Variants in RIMS1 observed in about 807,000 individuals in gnomAD.
RIMS1 encodes the protein regulating synaptic membrane exocytosis 1.
In RIMS1, 83 loss-of-function variants were observed where a neutral mutation model predicts 214.1. That is an observed-to-expected ratio of 0.39 (90% CI 0.32 to 0.47). RIMS1 has a LOEUF of 0.47. Ranked by LOEUF, RIMS1 falls within the 20% of genes least tolerant of loss-of-function variation. The pLI is 0.99. For synonymous variants in RIMS1, 793 were observed against 786.8 expected (o/e 1.01, Z -0.13); for missense variants, 2,050 against 2,161.8 (o/e 0.95, Z 1.03).
rs373891202 is a variant in RIMS1, at chr6:72,390,754, G to A, written c.4505+18G>A. Reference sequence around the variant, plus strand: ...GAGGGCAAGTAAGTGCTGTCAGCACGTCTGCATGGCTGTGGAACCAGGAAT... The same window carrying A: ...GAGGGCAAGTAAGTGCTGTCAGCACATCTGCATGGCTGTGGAACCAGGAAT... On this transcript the variant is annotated intron_variant, in intron 30 of 33. Coordinates refer to ENST00000521978, the MANE Select transcript of RIMS1 (RefSeq NM_014989.7). The A allele has an allele frequency of 4.0e-5, 65 of 1,612,710 alleles. No homozygotes were observed. The highest frequency in any genetic ancestry group is 2.9e-4 in the African/African-American group (22 of 74,914).
intron 1 of RIMS1, among the ~76,000 whole-genome samples, chr6:71,966,285 T>C (rs771957610): frequency 6.6e-6 from 1 of 152,226 alleles, no homozygotes; most frequent in South Asian, 2.1e-4. Flanking sequence ...TGTGTTGTTT[T>C]CCTGTTATAT....
chr6:72,171,576 A>G (rs1043135661), intron 4 of RIMS1, among the ~76,000 whole-genome samples: 1 of 152,154 alleles, frequency 6.6e-6, no homozygotes, highest in Non-Finnish European at 1.5e-5. Context: ...AATTCTCAAA[A>G]CAACTCAGTG....
At chr6:72,235,842 A>G (rs1412827326) in intron 8 of RIMS1, 114 bp downstream of exon 8, 10 of 473,634 alleles carry the variant, frequency 2.1e-5, no homozygotes, top group African/African-American at 4.0e-5. Flanking sequence ...ATATAATTTT[A>G]TTGATATAGC....
At chr6:72,144,522 G>T (rs1454328694) in intron 4 of RIMS1, among the ~76,000 whole-genome samples, 2 of 152,078 alleles carry the variant, frequency 1.3e-5, no homozygotes, top group Admixed American at 6.6e-5. Context: ...AAGTCCTAAG[G>T]CTGCTGACAT....
rs570848586 is a variant in RIMS1 at position 72,365,556 on chromosome 6, A to G, written c.4367-25042A>G. ...TCTACCACTTATATGTCTATTGACT[A>G]TATAATTTAGCATCCAAACTGGAAT... On this transcript the variant is annotated intron_variant, in intron 29 of 33. Transcript: ENST00000521978. 9.3e-4 allele frequency among the ~76,000 whole-genome samples: 141 copies of G among 152,360 alleles called. 1 individual carries two copies. Among genetic ancestry groups the G allele is most frequent in the African/African-American group, 3.2e-3 (132 of 41,580 alleles).
chr6:71,887,139 T>C lies in RIMS1; in HGVS notation c.116T>C (p.Val39Ala). ...GAGGAGAGGAACATTATCATGGCAGTGATGGACCGGCAGAAGGAAGAGGAG... is the reference window on the plus strand; with the variant it reads ...GAGGAGAGGAACATTATCATGGCAGCGATGGACCGGCAGAAGGAAGAGGAG... ...TEEERNIIMA[V>A]MDRQKEEEEK... The change falls in exon 1 of 34, where the codon GTG (valine) becomes GCG (alanine). Residue 39 changes from valine to alanine, a missense_variant. Val to Ala is a moderately conservative substitution (Grantham distance 64). This residue lies in a region of RIMS1 where 882 missense variants were observed against 828.9 expected (regional missense o/e 1.06). Coordinates refer to ENST00000521978, the MANE Select transcript of RIMS1 (RefSeq NM_014989.7). 1 of 1,613,088 alleles carries C rather than the reference T, an allele frequency of 6.2e-7. No individual in the cohort carries two copies. The highest frequency in any genetic ancestry group is 8.5e-7 in the Non-Finnish European group (1 of 1,179,550).
intron 1 of RIMS1, among the ~76,000 whole-genome samples, chr6:71,893,211 C>T (rs1461846127): frequency 1.3e-5 from 2 of 152,112 alleles, no homozygotes; most frequent in African/African-American, 4.8e-5. Context: ...GCTAGCAATG[C>T]AGTGTTGCCA....
At chr6:72,257,949 G>T (rs752271656) in intron 16 of RIMS1, among the ~76,000 whole-genome samples, 176 bp from the exon 17 acceptor site, 5 of 152,146 alleles carry the variant, frequency 3.3e-5, no homozygotes, top group Non-Finnish European at 5.9e-5. Context: ...GCATGTATAT[G>T]TTACACTCTG....
intron 23 of RIMS1, among the ~76,000 whole-genome samples, chr6:72,276,375 G>A: frequency 6.6e-6 from 1 of 152,172 alleles, no homozygotes; most frequent in Middle Eastern, 3.4e-3. Flanking sequence ...AAGTTTATCT[G>A]GGCATTGATT....
At chr6:72,191,110 G>T (rs1347378747) in intron 6 of RIMS1, among the ~76,000 whole-genome samples, 2 of 152,198 alleles carry the variant, frequency 1.3e-5, no homozygotes, top group Non-Finnish European at 2.9e-5. Context: ...TTGCACAGCA[G>T]CCTGGACCTG....
intron 29 of RIMS1, among the ~76,000 whole-genome samples, chr6:72,357,611 G>A (rs572623713): frequency 1.3e-4 from 20 of 152,274 alleles, no homozygotes; most frequent in Non-Finnish European, 2.2e-4. Context: ...CAGGTTCATG[G>A]CATTGGATTC....
chr6:71,907,836 A>G (rs895379817), intron 1 of RIMS1, among the ~76,000 whole-genome samples: 78 of 152,316 alleles, frequency 5.1e-4, no homozygotes, highest in Non-Finnish European at 9.9e-4. Flanking sequence ...AGTTGGATAT[A>G]TTTTCCATAG....
chr6:72,271,479 A>G lies in RIMS1; in HGVS notation c.3399-2870A>G, dbSNP rs146561925. ...ATACCTCATATTTTTAATTTGTGCT[A>G]TTTATGGAATTAATGACTTACATTT... On this transcript the variant is annotated intron_variant, in intron 22 of 33. Coordinates refer to ENST00000521978, the MANE Select transcript of RIMS1 (RefSeq NM_014989.7). Among the ~76,000 whole-genome samples the G allele has an allele frequency of 3.5e-3, 538 of 151,760 alleles. 3 individuals carry two copies. The highest frequency in any genetic ancestry group is 0.012 in the African/African-American group (508 of 41,432).
chr6:72,213,044 A>G (rs896173432), intron 6 of RIMS1: 4 of 1,529,158 alleles, frequency 2.6e-6, no homozygotes, highest in Admixed American at 2.0e-5. Flanking sequence ...CTTCTTAGAT[A>G]AGATCTTGAG....
At chr6:72,384,849 G>A (rs1378831417) in intron 29 of RIMS1, among the ~76,000 whole-genome samples, 1 of 152,098 alleles carries the variant, frequency 6.6e-6, no homozygotes, top group African/African-American at 2.4e-5. Flanking sequence ...AACAATGCCT[G>A]TATCATAGGT....
intron 29 of RIMS1, among the ~76,000 whole-genome samples, chr6:72,371,530 C>T (rs781556595): frequency 8.5e-5 from 13 of 152,132 alleles, no homozygotes; most frequent in Non-Finnish European, 1.3e-4. Flanking sequence ...TGTTTATTTG[C>T]ATATGTAGTT....
chr6:71,906,654 G>A (rs1328763583), intron 1 of RIMS1, among the ~76,000 whole-genome samples: 1 of 152,106 alleles, frequency 6.6e-6, no homozygotes, highest in East Asian at 1.9e-4. Flanking sequence ...GAGTGCCTGA[G>A]TGTGTGGATT....
chr6:72,083,143 A>G (rs1435910384), intron 2 of RIMS1, among the ~76,000 whole-genome samples: 1 of 152,212 alleles, frequency 6.6e-6, no homozygotes, highest in Non-Finnish European at 1.5e-5. Context: ...ATGTAAATTT[A>G]TCAGATATTA....
At chr6:72,095,717 T>C (rs1320360427) in intron 2 of RIMS1, among the ~76,000 whole-genome samples, 3 of 152,230 alleles carry the variant, frequency 2.0e-5, no homozygotes, top group African/African-American at 7.2e-5. Context: ...AACACTGCAG[T>C]ACCTGGACCT....
Sources: gnomAD v4.1 joint callset for allele counts (sites outside exome capture counted in the v4.1 genomes callset) on GRCh38, gnomAD v4.1.1 for gene constraint, gnomAD v4.1.1 regional missense constraint, MANE v1.5 for transcripts, NCBI Gene and HGNC (gene_info 2026-07-23, HGNC 2026-07-21) for gene names.